NGLY1: variants seen among roughly 807,000 people sequenced by gnomAD.
NGLY1 encodes N-glycanase 1, also known as peptide-N(4)-(N-acetyl-beta-glucosaminyl)asparagine amidase.
In NGLY1, 68 loss-of-function variants were observed where a neutral mutation model predicts 84.6. That is an observed-to-expected ratio of 0.80 (90% CI 0.66 to 0.98). The LOEUF (loss-of-function observed/expected upper bound fraction) is 0.98. Among genes scored for constraint, NGLY1 ranks in the 50% least tolerant of loss-of-function variants. NGLY1 has a pLI of 0.00. For synonymous variants in NGLY1, 280 were observed against 275.2 expected (o/e 1.02, Z -0.17); for missense variants, 779 against 770.2 (o/e 1.01, Z -0.14).
rs2125479237 is a variant in NGLY1 at position 25,737,431 on chromosome 3, CAA to C, written c.904_905del (p.Leu302GlyfsTer24). On this transcript the variant is annotated frameshift_variant, in exon 6 of 12. Transcript: ENST00000280700. LOFTEE classifies it high-confidence loss of function. ...FPRYNNPEKL[L>X]ETRCGRCGEW... is the part of the protein sequence containing the mutation. ...CGCCACACCGTCCACATCTTGTTTC[CAA>C]AAGTTTCTCAGGGTTATTATATCTG... 1.2e-6 allele frequency: 2 copies of C among 1,612,042 alleles called. No individual in the cohort carries two copies. Among genetic ancestry groups the C allele is most frequent in the Non-Finnish European group, 8.5e-7 (1 of 1,179,380 alleles).
At chr3:25,780,053 G>A (rs1708337039) in intron 1 of NGLY1, among the ~76,000 whole-genome samples, 1 of 152,182 alleles carries the variant, frequency 6.6e-6, no homozygotes, top group African/African-American at 2.4e-5. Flanking sequence ...AATTTTCAGT[G>A]TATTTTACAA....
intron 2 of NGLY1, among the ~76,000 whole-genome samples, chr3:25,765,224 C>T (rs1049414125): frequency 5.9e-5 from 9 of 152,120 alleles, no homozygotes; most frequent in African/African-American, 2.2e-4. Flanking sequence ...CTTTGGGAGG[C>T]TCACATGGGC....
chr3:25,782,526 G>C lies in NGLY1; in HGVS notation c.131+734C>G, dbSNP rs983481. Among the ~76,000 whole-genome samples the C allele has an allele frequency of 2.1e-3, 319 of 152,084 alleles. 1 individual carries two copies. Among genetic ancestry groups the C allele is most frequent in the African/African-American group, 7.2e-3 (298 of 41,458 alleles). ...ACTTGCCTCCCAATTCCCAAAATCT[G>C]CAAGGTCCCTTAGACCTCTAGAAGT... On this transcript the variant is annotated intron_variant, in intron 1 of 11. Transcript: ENST00000280700.
At chr3:25,750,853 A>ATGTGTGG (rs1255206952) in intron 4 of NGLY1, among the ~76,000 whole-genome samples, 1 of 152,178 alleles carries the variant, frequency 6.6e-6, no homozygotes, top group Non-Finnish European at 1.5e-5. Flanking sequence ...ACCCCCACCT[A>ATGTGTGG]TACCAGAATC....
At chr3:25,749,569 T>C (rs1706619465) in intron 4 of NGLY1, 13 of 1,542,372 alleles carry the variant, frequency 8.4e-6, no homozygotes, top group Non-Finnish European at 1.1e-5. Context: ...GTCTGACTGA[T>C]ATGTCAAAAA....
chr3:25,769,888 G>A (rs1443475680), intron 2 of NGLY1, among the ~76,000 whole-genome samples: 5 of 151,978 alleles, frequency 3.3e-5, no homozygotes, highest in Admixed American at 6.6e-5. Context: ...AGGTTTTGAA[G>A]CACTTATCAC....
chr3:25,735,906 G>A, intron 7 of NGLY1, 98 bp downstream of exon 7: 3 of 1,012,720 alleles, frequency 3.0e-6, no homozygotes, highest in Non-Finnish European at 4.2e-6. Flanking sequence ...TTAAATATAT[G>A]CAGGTTATTG....
intron 3 of NGLY1, among the ~76,000 whole-genome samples, chr3:25,762,202 C>G (rs1177160361): frequency 6.6e-6 from 1 of 151,748 alleles, no homozygotes; most frequent in African/African-American, 2.4e-5. Flanking sequence ...AGTTTATACA[C>G]AGGTTAAATG....
intron 7 of NGLY1, 39 bp from the exon 8 acceptor site, chr3:25,734,021 A>T (rs1193526890): frequency 1.2e-6 from 2 of 1,603,366 alleles, no homozygotes; most frequent in South Asian, 1.1e-5. Context: ...TAACAAGATT[A>T]CAACCATCAA....
intron 7 of NGLY1, chr3:25,734,546 A>C (rs995703462): frequency 5.2e-5 from 8 of 153,490 alleles, no homozygotes; most frequent in Non-Finnish European, 1.1e-4. Context: ...CTACTGAAAA[A>C]AAACAAACAA....
intron 2 of NGLY1, among the ~76,000 whole-genome samples, chr3:25,774,048 C>T (rs1208708340): frequency 6.6e-6 from 1 of 152,118 alleles, no homozygotes; most frequent in Non-Finnish European, 1.5e-5. Context: ...CTGTGTGGGA[C>T]CTTGGTTGCA....
chr3:25,719,358 T>C lies in NGLY1; in HGVS notation c.*102A>G, dbSNP rs1264874274. ...TGATGGATAGCTAGCAAAAGAAATA[T>C]GCTAGCACAGGGTGGTAACTGCCAA... On this transcript the variant is annotated 3_prime_UTR_variant, in exon 12 of 12. Transcript: ENST00000280700. 1 of 860,474 alleles carries C rather than the reference T, an allele frequency of 1.2e-6. No individual in the cohort carries two copies. The allele number at this position is 860,474 out of a possible 1,614,324, so 53.3% of individuals were successfully genotyped here.
At position 25,739,730 on chromosome 3, in the gene NGLY1, T is replaced by G. The variant is rs1553654596; in HGVS notation, c.728A>C (p.His243Pro). ...GCTGCACAAAACGTTATTCACCCAG[T>G]GAAAAAATTCTTCCTTAAACCAGTG... is the stretch of plus-strand genomic sequence containing the variant. ...LLHWFKEEFF[H>P]WVNNVLCSKC... The change falls in exon 5 of 12, where the codon CAC becomes CCC. Residue 243 changes from histidine to proline, a missense_variant. Coordinates refer to ENST00000280700, the MANE Select transcript of NGLY1 (RefSeq NM_018297.4). 3 of 1,613,974 alleles carry G rather than the reference T, an allele frequency of 1.9e-6. No homozygotes were observed. Among genetic ancestry groups the G allele is most frequent in the African/African-American group, 1.3e-5 (1 of 74,916 alleles).
intron 4 of NGLY1, among the ~76,000 whole-genome samples, chr3:25,743,453 C>T (rs1706255318): frequency 6.6e-6 from 1 of 152,126 alleles, no homozygotes; most frequent in South Asian, 2.1e-4. Context: ...ATGCCTTCTA[C>T]CTAAAAGGGA....
chr3:25,731,457 G>A (rs912101186), intron 9 of NGLY1, among the ~76,000 whole-genome samples: 2 of 152,066 alleles, frequency 1.3e-5, no homozygotes, highest in African/African-American at 4.8e-5. Context: ...AATACCAAGT[G>A]TACACAAAGA....
At chr3:25,754,550 A>C (rs957762075) in intron 3 of NGLY1, among the ~76,000 whole-genome samples, 1 of 152,154 alleles carries the variant, frequency 6.6e-6, no homozygotes, top group Non-Finnish European at 1.5e-5. Flanking sequence ...TGTTTTCAGA[A>C]TATCACTTTA....
intron 3 of NGLY1, among the ~76,000 whole-genome samples, chr3:25,753,522 A>G (rs1199012233): frequency 6.6e-6 from 1 of 152,146 alleles, no homozygotes; most frequent in Non-Finnish European, 1.5e-5. Flanking sequence ...GATAATCACA[A>G]CTGGAAAGCA....
chr3:25,760,553 T>C (rs1707259711), intron 3 of NGLY1, among the ~76,000 whole-genome samples: 1 of 152,062 alleles, frequency 6.6e-6, no homozygotes, highest in Non-Finnish European at 1.5e-5. Context: ...TCAAATAGGT[T>C]TCTTCTCTTA....
chr3:25,779,668 CAT>C (rs1394179742), intron 1 of NGLY1, among the ~76,000 whole-genome samples: 2 of 152,194 alleles, frequency 1.3e-5, no homozygotes, highest in East Asian at 1.9e-4. Context: ...CCTATCTACA[CAT>C]GTTCTCTAGG....
Sources: gnomAD v4.1 joint callset for allele counts (sites outside exome capture counted in the v4.1 genomes callset) on GRCh38, gnomAD v4.1.1 for gene constraint, MANE v1.5 for transcripts, NCBI Gene and HGNC (gene_info 2026-07-23, HGNC 2026-07-21) for gene names.